VAMP1: variants seen among roughly 807,000 people sequenced by gnomAD.
VAMP1 encodes vesicle associated membrane protein 1.
VAMP1 carries 16 observed loss-of-function variants against 19.1 expected under a neutral mutation model. That is an observed-to-expected ratio of 0.84 (90% CI 0.57 to 1.27). The LOEUF (loss-of-function observed/expected upper bound fraction) is 1.27, where lower values mean the gene tolerates loss of function less well. Among genes scored for constraint, VAMP1 ranks in the 50% most tolerant of loss-of-function variants. The probability of loss-of-function intolerance (pLI) is 0.00; values close to 1 mark genes in which losing one functional copy is unlikely to be tolerated. For synonymous variants in VAMP1, 37 were observed against 50.2 expected (o/e 0.74, Z 1.11); for missense variants, 109 against 145.4 (o/e 0.75, Z 1.29).
chr12:6,468,262 C>T (rs1422147431), intron 1 of VAMP1, among the ~76,000 whole-genome samples: 1 of 152,152 alleles, frequency 6.6e-6, no homozygotes, highest in African/African-American at 2.4e-5. Context: ...GTCAGCTCAC[C>T]CCTTTTTATA....
At chr12:6,468,653 C>T (rs2137013260) in intron 1 of VAMP1, among the ~76,000 whole-genome samples, 1 of 152,306 alleles carries the variant, frequency 6.6e-6, no homozygotes, top group South Asian at 2.1e-4. Context: ...TCTTGGTTTA[C>T]TGTACTATAC....
Position 6,462,245 on chromosome 12 carries a change from T to G in VAMP1, c.*2225A>C. The G allele has an allele frequency of 9.3e-7, 1 of 1,079,074 alleles. No individual in the cohort carries two copies. Among genetic ancestry groups the G allele is most frequent in the Non-Finnish European group, 1.3e-6 (1 of 755,320 alleles). 66.8% of individuals were successfully genotyped at this position (1,079,074 alleles called of 1,614,324 possible). ...AACAACAACCAAGCCAGTTTAATGGTAGGAATTTGTATTTTTTGCCTTTGT... is the reference window on the plus strand; with the variant it reads ...AACAACAACCAAGCCAGTTTAATGGGAGGAATTTGTATTTTTTGCCTTTGT... On this transcript the variant is annotated 3_prime_UTR_variant, in exon 5 of 5. Coordinates refer to ENST00000396308, the MANE Select transcript of VAMP1 (RefSeq NM_014231.5).
At chr12:6,465,070 C>T in intron 3 of VAMP1, 129 bp from the exon 4 acceptor site, 1 of 1,383,168 alleles carries the variant, frequency 7.2e-7, no homozygotes, top group Non-Finnish European at 9.8e-7. Flanking sequence ...ACCCAGGAGA[C>T]CTGCAGGCCT....
At position 6,470,649 on chromosome 12, in the gene VAMP1, C is replaced by G. The variant is rs571477074; in HGVS notation, c.-118G>C. On this transcript the variant is annotated 5_prime_UTR_variant, in exon 1 of 5. Transcript: ENST00000396308. ...CCAAGCTCCGCCTCGCGCCGACTACCCCGCGGTCTAGCTGCGCTGGAACTT... is the reference window on the plus strand; with the variant it reads ...CCAAGCTCCGCCTCGCGCCGACTACGCCGCGGTCTAGCTGCGCTGGAACTT... 3 of 1,362,776 alleles carry G rather than the reference C, an allele frequency of 2.2e-6. No homozygotes were observed. Among genetic ancestry groups the G allele is most frequent in the Non-Finnish European group, 3.1e-6 (3 of 970,266 alleles). The allele number at this position is 1,362,776 out of a possible 1,614,324, so 84.4% of individuals were successfully genotyped here. A position where few individuals can be genotyped will look rare whatever the true frequency, so the allele number is the denominator to read the frequency against.
chr12:6,464,696 G>A (rs1425881290), intron 4 of VAMP1, 194 bp downstream of exon 4: 1 of 1,500,330 alleles, frequency 6.7e-7, no homozygotes, highest in East Asian at 2.3e-5. Context: ...ATGCGTTGCA[G>A]GGGGAAGGCT....
intron 1 of VAMP1, 107 bp from the exon 2 acceptor site, chr12:6,466,458 GGAGCGCTT>G: frequency 7.6e-7 from 1 of 1,309,750 alleles, no homozygotes; most frequent in East Asian, 2.5e-5. Flanking sequence ...TGAAGTGGGA[GGAGCGCTT>G]GAGCCCAGGA....
rs1158222116 is a variant in VAMP1 at position 6,462,363 on chromosome 12, GA to G, written c.*2106del. 5.9e-6 allele frequency: 3 copies of G among 512,278 alleles called. No individual in the cohort carries two copies. The highest frequency in any genetic ancestry group is 1.0e-5 in the Non-Finnish European group (3 of 287,724). The allele number at this position is 512,278 out of a possible 1,614,324, so 31.7% of individuals were successfully genotyped here. A position where few individuals can be genotyped will look rare whatever the true frequency, so the allele number is the denominator to read the frequency against. ...TATACAAGTATGAGATCAGGGTTAGGAAAAAAAGACAAAGAGGTGATGACAG... is the reference window on the plus strand; with the variant it reads ...TATACAAGTATGAGATCAGGGTTAGGAAAAAAGACAAAGAGGTGATGACAG... On this transcript the variant is annotated 3_prime_UTR_variant, in exon 5 of 5. Transcript: ENST00000396308.
At position 6,462,958 on chromosome 12, in the gene VAMP1, C is replaced by T. The variant is rs1337291025; in HGVS notation, c.*1512G>A. Reference sequence around the variant, plus strand: ...GCATCCAGACCCTGCCCAGCATGGCCTCAGCCTCTTCCTGTTCGTGGACCG... The same window carrying T: ...GCATCCAGACCCTGCCCAGCATGGCTTCAGCCTCTTCCTGTTCGTGGACCG... On this transcript the variant is annotated 3_prime_UTR_variant, in exon 5 of 5. Transcript: ENST00000396308. The T allele has an allele frequency of 1.9e-6, 3 of 1,553,406 alleles. No individual in the cohort carries two copies. In the Admixed American group the frequency reaches 5.9e-5, roughly 30 times the overall value.
chr12:6,464,458 G>T lies in VAMP1; in HGVS notation c.*12C>A. ...GGATGGCAATGGACAACAGGGAAGG[G>T]GTGGTACATTCTCAAGTAAAAAAGT... On this transcript the variant is annotated 3_prime_UTR_variant, in exon 5 of 5. Coordinates refer to ENST00000396308, the MANE Select transcript of VAMP1 (RefSeq NM_014231.5). 1 of 1,559,706 alleles carries T rather than the reference G, an allele frequency of 6.4e-7. No individual in the cohort carries two copies. The highest frequency in any genetic ancestry group is 8.7e-7 in the Non-Finnish European group (1 of 1,151,396).
In VAMP1 at chr12:6,462,573, G is replaced by GTTCTTTCT. The variant is rs1949904334; in HGVS notation, c.*1896_*1897insAGAAAGAA. 2 of 562,010 alleles carry GTTCTTTCT rather than the reference G, an allele frequency of 3.6e-6. No homozygotes were observed. The highest frequency in any genetic ancestry group is 3.1e-6 in the Non-Finnish European group (1 of 318,970). The allele number at this position is 562,010 out of a possible 1,614,324, so 34.8% of individuals were successfully genotyped here. A position where few individuals can be genotyped will look rare whatever the true frequency, so the allele number is the denominator to read the frequency against. ...GGGTACAGGGTGGGTGAGAAAGAAAGTAGAAGGGCTAATACCCCCAAAGAA... is the reference window on the plus strand; with the variant it reads ...GGGTACAGGGTGGGTGAGAAAGAAAGTTCTTTCTTAGAAGGGCTAATACCCCCAAAGAA... On this transcript the variant is annotated 3_prime_UTR_variant, in exon 5 of 5. Coordinates refer to ENST00000396308, the MANE Select transcript of VAMP1 (RefSeq NM_014231.5).
rs747813248 is a variant in VAMP1, at chr12:6,470,129, T to C, written c.2+401A>G. Among the ~76,000 whole-genome samples the C allele has an allele frequency of 9.2e-5, 14 of 152,300 alleles. 1 individual carries two copies. Among genetic ancestry groups the C allele is most frequent in the South Asian group, 2.1e-4 (1 of 4,830 alleles). On this transcript the variant is annotated intron_variant, in intron 1 of 4. Coordinates refer to ENST00000396308, the MANE Select transcript of VAMP1 (RefSeq NM_014231.5). ...ACCAACTGGCAGTTGCACCCATGAC[T>C]GTCTTTCCTGAGGCGCTGAGTAGTG...
At chr12:6,465,083 T>TA (rs1217489685) in intron 3 of VAMP1, 142 bp from the exon 4 acceptor site, 7 of 1,206,854 alleles carry the variant, frequency 5.8e-6, no homozygotes, top group Non-Finnish European at 8.0e-6. Flanking sequence ...GCAGGCCTCT[T>TA]AGAGAGGCCC....
At chr12:6,466,631 G>A in intron 1 of VAMP1, 1 of 271,390 alleles carries the variant, frequency 3.7e-6, no homozygotes, top group South Asian at 5.0e-5. Flanking sequence ...GCAATCTGAA[G>A]TAGGGAGACA....
At chr12:6,464,833 G>A (rs761497818) in intron 4 of VAMP1, 57 bp downstream of exon 4, 1 of 1,611,744 alleles carries the variant, frequency 6.2e-7, no homozygotes, top group East Asian at 2.2e-5. Flanking sequence ...CAGGCAGGGA[G>A]AAGACTCCAG....
At chr12:6,465,366 A>ATACATG (rs1949979795) in intron 3 of VAMP1, 1 of 142,832 alleles carries the variant, frequency 7.0e-6, no homozygotes, top group East Asian at 2.6e-4. Context: ...AAGTATATAT[A>ATACATG]TATATAAATG....
intron 3 of VAMP1, among the ~76,000 whole-genome samples, chr12:6,465,506 T>G (rs896636252): frequency 6.8e-6 from 1 of 146,806 alleles, no homozygotes; most frequent in Non-Finnish European, 1.5e-5. Context: ...TATATATGCC[T>G]GAGCCATTGT....
rs1462925844 is a variant in VAMP1, at chr12:6,466,259, C to G, written c.95G>C (p.Arg32Thr). The part of the protein sequence containing the change: ...PGPPPNMTSN[R>T]RLQQTQAQVE... ...TTGTGCCTGGGTTTGCTGTAGTCGT[C>G]TGTTACTGGTCATGTTAGGAGGAGG... Residue 32 changes from arginine to threonine, a missense_variant, in exon 2 of 5, where the codon AGA becomes ACA. Physicochemically the swap from Arg to Thr is moderately conservative, Grantham distance 71. Transcript: ENST00000396308. 6.2e-7 allele frequency: 1 copy of G among 1,614,090 alleles called. No individual in the cohort carries two copies. Among genetic ancestry groups the G allele is most frequent in the East Asian group, 2.2e-5 (1 of 44,898 alleles).
Position 6,470,655 on chromosome 12 carries a change from G to C in VAMP1, c.-124C>G, listed in dbSNP as rs894432064. The C allele has an allele frequency of 1.2e-5, 16 of 1,292,232 alleles. No individual in the cohort carries two copies. In the African/African-American group the frequency reaches 1.9e-4, roughly 15 times the overall value. The allele number at this position is 1,292,232 out of a possible 1,614,324, so 80.0% of individuals were successfully genotyped here. ...TCCGCCTCGCGCCGACTACCCCGCG[G>C]TCTAGCTGCGCTGGAACTTACTGCA... is the stretch of plus-strand genomic sequence containing the variant. On this transcript the variant is annotated 5_prime_UTR_variant, in exon 1 of 5. Transcript: ENST00000396308.
At chr12:6,466,614 C>A (rs1045098037) in intron 1 of VAMP1, 1 of 294,946 alleles carries the variant, frequency 3.4e-6, no homozygotes, top group Non-Finnish European at 6.3e-6. Context: ...TGGATTCTTG[C>A]TCCTTGGCAA....
Sources: allele counts gnomAD v4.1 joint callset (sites outside exome capture counted in the v4.1 genomes callset), GRCh38; gene constraint gnomAD v4.1.1; transcripts MANE v1.5; gene names NCBI Gene and HGNC (gene_info 2026-07-23, HGNC 2026-07-21).